FOXN3: variants seen among roughly 807,000 people sequenced by gnomAD.
The protein encoded by FOXN3 is forkhead box protein N3.
Under a neutral mutation model 38.4 loss-of-function variants are expected in FOXN3, and 7 were observed. The observed-to-expected ratio is 0.18, with a 90% CI of 0.10 to 0.34. The LOEUF (loss-of-function observed/expected upper bound fraction) is 0.34. Ranked by LOEUF, FOXN3 falls within the 10% of genes least tolerant of loss-of-function variation. The pLI is 1.00. For synonymous variants in FOXN3, 230 were observed against 242.2 expected (o/e 0.95, Z 0.47); for missense variants, 456 against 613.4 (o/e 0.74, Z 2.71).
chr14:89,523,146 CAGTT>C (rs1278961823), intron 1 of FOXN3, among the ~76,000 whole-genome samples: 1 of 152,094 alleles, frequency 6.6e-6, no homozygotes, highest in Non-Finnish European at 1.5e-5. Flanking sequence ...ATAGAGGAGT[CAGTT>C]AATCAAAAGA....
intron 3 of FOXN3, among the ~76,000 whole-genome samples, chr14:89,293,303 C>CATGG (rs1886933401): frequency 2.0e-5 from 3 of 152,216 alleles, no homozygotes; most frequent in Non-Finnish European, 4.4e-5. Context: ...CAGGGTTTAT[C>CATGG]AGTGTCTATT....
intron 1 of FOXN3, among the ~76,000 whole-genome samples, chr14:89,543,663 A>T (rs1176127084): frequency 6.6e-6 from 1 of 152,234 alleles, no homozygotes; most frequent in African/African-American, 2.4e-5. Flanking sequence ...ACACAAAGTA[A>T]GCTCTTCCAT....
chr14:89,563,919 G>A (rs1030850434), intron 1 of FOXN3, among the ~76,000 whole-genome samples: 2 of 152,028 alleles, frequency 1.3e-5, no homozygotes, highest in East Asian at 1.9e-4. Context: ...GCTCAATCTC[G>A]GCTCACTGCA....
chr14:89,436,052 G>A (rs2140117295), intron 1 of FOXN3, among the ~76,000 whole-genome samples: 1 of 150,484 alleles, frequency 6.6e-6, no homozygotes, highest in African/African-American at 2.4e-5. Context: ...TGTTGCCCAG[G>A]CTGGTCTCGA....
At chr14:89,444,978 C>T (rs61996460) in intron 1 of FOXN3, among the ~76,000 whole-genome samples, 6,257 of 152,020 alleles carry the variant, frequency 0.041, 156 homozygotes, top group Non-Finnish European at 0.048. Context: ...CAAAAATTAG[C>T]TGGACATGGT....
At chr14:89,172,982 T>G (rs1311105845) in intron 5 of FOXN3, among the ~76,000 whole-genome samples, 1 of 152,122 alleles carries the variant, frequency 6.6e-6, no homozygotes, top group African/African-American at 2.4e-5. Context: ...ATAAAAAGAT[T>G]GATAAATGTG....
intron 1 of FOXN3, among the ~76,000 whole-genome samples, chr14:89,500,881 G>A (rs1321471101): frequency 2.0e-5 from 3 of 152,204 alleles, no homozygotes; most frequent in Middle Eastern, 3.2e-3. Context: ...GGCAGGATTC[G>A]GGAAGGAAAT....
chr14:89,215,396 T>G (rs1378583111), intron 4 of FOXN3, among the ~76,000 whole-genome samples: 2 of 152,126 alleles, frequency 1.3e-5, no homozygotes, highest in Admixed American at 1.3e-4. Context: ...ACAAGATATC[T>G]GACTTCTTTA....
chr14:89,379,317 C>A (rs770192453), intron 2 of FOXN3, among the ~76,000 whole-genome samples: 10 of 152,094 alleles, frequency 6.6e-5, no homozygotes, highest in Non-Finnish European at 1.3e-4. Context: ...TGGTGAAGAT[C>A]GAAAGATTTT....
At chr14:89,344,291 C>A (rs1888704821) in intron 3 of FOXN3, among the ~76,000 whole-genome samples, 1 of 150,426 alleles carries the variant, frequency 6.6e-6, no homozygotes, top group African/African-American at 2.4e-5. Context: ...AACCATCTCA[C>A]TCAGTTTCTG....
In FOXN3 at chr14:89,607,449, C is replaced by T. The variant is rs564561884; in HGVS notation, c.-15+11579G>A. Among the ~76,000 whole-genome samples the T allele has an allele frequency of 6.5e-4, 99 of 151,866 alleles. 1 individual carries two copies. The highest frequency in any genetic ancestry group is 2.3e-3 in the African/African-American group (94 of 41,386). ...TGGTACATGCCTGTAATCCCAGCTA[C>T]TCAGGAGGCTGAGGCAGGAGAATCG... On this transcript the variant is annotated intron_variant, in intron 1 of 6. Coordinates refer to the FOXN3 transcript ENST00000345097.
chr14:89,288,454 G>A (rs1180890703), intron 3 of FOXN3, among the ~76,000 whole-genome samples: 3 of 151,884 alleles, frequency 2.0e-5, no homozygotes, highest in Admixed American at 6.6e-5. Flanking sequence ...CATATCTATC[G>A]AGCTATTTTA....
At chr14:89,415,992 C>A (rs904885699) in intron 1 of FOXN3, among the ~76,000 whole-genome samples, 2 of 152,098 alleles carry the variant, frequency 1.3e-5, no homozygotes, top group African/African-American at 2.4e-5. Flanking sequence ...CAGAAGGTCT[C>A]CAAATAACTG....
upstream of FOXN3, among the ~76,000 whole-genome samples, chr14:89,421,822 C>G (rs1407851802): frequency 6.6e-6 from 1 of 152,110 alleles, no homozygotes; most frequent in Non-Finnish European, 1.5e-5. Context: ...AGCCACCGTG[C>G]TGGGCCCCGC....
At chr14:89,211,163 T>C (rs895941281) in intron 4 of FOXN3, among the ~76,000 whole-genome samples, 2 of 152,248 alleles carry the variant, frequency 1.3e-5, no homozygotes, top group African/African-American at 4.8e-5. Context: ...CTCTACACGT[T>C]TCACTGTGCA....
At chr14:89,246,218 T>C (rs892100671) in intron 4 of FOXN3, among the ~76,000 whole-genome samples, 1 of 152,192 alleles carries the variant, frequency 6.6e-6, no homozygotes, top group Admixed American at 6.5e-5. Context: ...CCCCAAAATG[T>C]CAGTGGCCTT....
At chr14:89,431,126 T>G (rs1892146431) in intron 1 of FOXN3, among the ~76,000 whole-genome samples, 1 of 152,186 alleles carries the variant, frequency 6.6e-6, no homozygotes, top group Non-Finnish European at 1.5e-5. Context: ...TCCTGAAATA[T>G]TTATAGGAAA....
In FOXN3 at chr14:89,161,365, C is replaced by T. The variant is rs1400885647; in HGVS notation, c.*1049G>A. 2.7e-5 allele frequency: 4 copies of T among 148,714 alleles called. No individual in the cohort carries two copies. The highest frequency in any genetic ancestry group is 2.0e-4 in the East Asian group (1 of 5,116). 9.2% of individuals were successfully genotyped at this position (148,714 alleles called of 1,614,324 possible). A position where few individuals can be genotyped will look rare whatever the true frequency, so the allele number is the denominator to read the frequency against. ...TAAAAATACACCACAATACTAATGGCAGGTTCCGTAGCTTTCTAGTTTTTT... is the reference window on the plus strand; with the variant it reads ...TAAAAATACACCACAATACTAATGGTAGGTTCCGTAGCTTTCTAGTTTTTT... On this transcript the variant is annotated 3_prime_UTR_variant, in exon 6 of 6. Transcript: ENST00000557258.
chr14:89,326,056 T>C (rs1274318988), intron 3 of FOXN3, among the ~76,000 whole-genome samples: 1 of 152,246 alleles, frequency 6.6e-6, no homozygotes, highest in Non-Finnish European at 1.5e-5. Flanking sequence ...TTATCAATGA[T>C]GTAAAGCAAA....
Sources: gnomAD v4.1 joint callset for allele counts (sites outside exome capture counted in the v4.1 genomes callset) on GRCh38, gnomAD v4.1.1 for gene constraint, MANE v1.5 for transcripts, NCBI Gene and HGNC (gene_info 2026-07-23, HGNC 2026-07-21) for gene names.